Variants in MTA3 observed in about 807,000 individuals in gnomAD.
MTA3 encodes metastasis-associated protein MTA3.
A neutral mutation model predicts 83.5 loss-of-function variants in MTA3; 34 were observed. The observed-to-expected ratio is 0.41, with a 90% CI of 0.31 to 0.54. The LOEUF (loss-of-function observed/expected upper bound fraction) is 0.54, where lower values mean the gene tolerates loss of function less well. Ranked by LOEUF, MTA3 falls within the 20% of genes least tolerant of loss-of-function variation. The probability of loss-of-function intolerance (pLI) is 0.33; values close to 1 mark genes in which losing one functional copy is unlikely to be tolerated. For missense variants in MTA3, 761 were observed against 726.4 expected, an observed-to-expected ratio of 1.05 and a Z score of -0.55; for synonymous variants, 303 against 252.7, an observed-to-expected ratio of 1.20 and a Z score of -1.89.
At chr2:42,661,346 CA>C (rs1263903410) in intron 8 of MTA3, among the ~76,000 whole-genome samples, 4 of 151,454 alleles carry the variant, frequency 2.6e-5, no homozygotes, top group African/African-American at 9.7e-5. Flanking sequence ...CAAAAAAATA[CA>C]AAAATTAGCT....
intron 3 of MTA3, among the ~76,000 whole-genome samples, chr2:42,607,008 A>G (rs1269637361): frequency 7.0e-6 from 1 of 143,584 alleles, no homozygotes; most frequent in Non-Finnish European, 1.5e-5. Context: ...CAGTGAGCCG[A>G]GATGGCAGCA....
At chr2:42,682,377 T>C (rs1424700086) in intron 8 of MTA3, 24 bp from the exon 9 acceptor site, 33 of 1,532,246 alleles carry the variant, frequency 2.2e-5, no homozygotes, top group Non-Finnish European at 2.9e-5. Context: ...TGGTTGATAT[T>C]TTCTGTTCAT....
intron 4 of MTA3, among the ~76,000 whole-genome samples, chr2:42,632,762 C>A (rs974520492): frequency 6.6e-6 from 1 of 152,012 alleles, no homozygotes; most frequent in Non-Finnish European, 1.5e-5. Flanking sequence ...TTATTAAGCC[C>A]AAACTTCTCT....
At chr2:42,623,852 G>C (rs563323253) in intron 4 of MTA3, among the ~76,000 whole-genome samples, 1 of 152,008 alleles carries the variant, frequency 6.6e-6, no homozygotes, top group East Asian at 1.9e-4. Context: ...CACTACACCC[G>C]GCTAATTTTT....
At chr2:42,738,330 C>T (rs1468912997) in intron 16 of MTA3, among the ~76,000 whole-genome samples, 1 of 152,116 alleles carries the variant, frequency 6.6e-6, no homozygotes, top group African/African-American at 2.4e-5. Context: ...ATTTTATGGG[C>T]ATTTATTAGT....
chr2:42,513,784 G>A (rs1290675160), intron 2 of MTA3, among the ~76,000 whole-genome samples: 1 of 152,238 alleles, frequency 6.6e-6, no homozygotes, highest in Non-Finnish European at 1.5e-5. Context: ...GGACTGCCAC[G>A]CCTCCCAGGC....
At chr2:42,704,043 A>G (rs1665847395) in intron 11 of MTA3, 151 bp from the exon 12 acceptor site, 2 of 849,996 alleles carry the variant, frequency 2.4e-6, no homozygotes, top group Admixed American at 5.9e-5. Flanking sequence ...AGTTCATTTA[A>G]CACCTTGGTT....
intron 16 of MTA3, chr2:42,752,243 T>C: frequency 2.1e-6 from 1 of 471,486 alleles, no homozygotes; most frequent in Non-Finnish European, 4.4e-6. Context: ...GAAAAGCTCA[T>C]GAAGTGAAGA....
chr2:42,611,683 G>A (rs1224359703), intron 4 of MTA3, among the ~76,000 whole-genome samples: 2 of 152,130 alleles, frequency 1.3e-5, no homozygotes, highest in Admixed American at 1.3e-4. Flanking sequence ...GAGCGTGGTG[G>A]TGTGTGCCTG....
At chr2:42,639,503 C>T (rs879737646) in intron 4 of MTA3, among the ~76,000 whole-genome samples, 2 of 152,098 alleles carry the variant, frequency 1.3e-5, no homozygotes, top group Non-Finnish European at 2.9e-5. Context: ...TTCTCAGAGT[C>T]TAGACAAGCC....
chr2:42,644,155 A>G lies in MTA3; in HGVS notation c.410A>G (p.Asp137Gly). The G allele has an allele frequency of 6.2e-7, 1 of 1,611,798 alleles. No homozygotes were observed. Among genetic ancestry groups the G allele is most frequent in the Non-Finnish European group, 8.5e-7 (1 of 1,178,894 alleles). ...ACCTTCTTCTACTCATTGGTCTATG[A>G]CCCCTCATTGAAAACACTATTAGCT... is the stretch of plus-strand genomic sequence containing the variant. ...EDTFFYSLVY[D>G]PSLKTLLADK... The change falls in exon 6 of 17, where the codon GAC becomes GGC. Residue 137 changes from aspartate (D) to glycine (G), a missense_variant. Physicochemically the swap from Asp to Gly is moderately conservative, Grantham distance 94. Transcript: ENST00000405094.
chr2:42,712,520 A>G (rs933363063), intron 14 of MTA3, among the ~76,000 whole-genome samples: 5 of 152,142 alleles, frequency 3.3e-5, no homozygotes, highest in African/African-American at 1.2e-4. Context: ...AATTTCCCCA[A>G]ATACCTAAAT....
intron 2 of MTA3, among the ~76,000 whole-genome samples, chr2:42,508,971 C>T (rs1674774430): frequency 6.6e-6 from 1 of 150,924 alleles, no homozygotes; most frequent in African/African-American, 2.4e-5. Flanking sequence ...TCACTGTGAA[C>T]CTAAAACTGC....
Position 42,609,509 on chromosome 2 carries a change from A to G in MTA3, c.242A>G (p.Lys81Arg). The G allele has an allele frequency of 6.2e-7, 1 of 1,613,960 alleles. No homozygotes were observed. Among genetic ancestry groups the G allele is most frequent in the African/African-American group, 1.3e-5 (1 of 75,068 alleles). ...ETTVEADLTD[K>R]QKHQLKHREL... Reference sequence around the variant, plus strand: ...ACAGTTGAGGCTGACTTGACCGATAAGCAGAAACATCAGTTGAAACATAGG... The same window carrying G: ...ACAGTTGAGGCTGACTTGACCGATAGGCAGAAACATCAGTTGAAACATAGG... The change falls in exon 4 of 17, where the codon AAG (lysine) becomes AGG (arginine). Residue 81 changes from lysine (K) to arginine (R), a missense_variant. Transcript: ENST00000405094.
chr2:42,712,064 C>T (rs1232730468), intron 14 of MTA3, among the ~76,000 whole-genome samples: 2 of 152,050 alleles, frequency 1.3e-5, no homozygotes, highest in Non-Finnish European at 2.9e-5. Context: ...CCTCTGGCCA[C>T]GGCAGCACCA....
At chr2:42,599,365 C>T (rs1232004539) in intron 3 of MTA3, among the ~76,000 whole-genome samples, 2 of 151,992 alleles carry the variant, frequency 1.3e-5, no homozygotes, top group Admixed American at 6.6e-5. Context: ...GAGGCCGAGG[C>T]GGGTGGATCA....
At chr2:42,693,723 A>C (rs938964785) in intron 9 of MTA3, among the ~76,000 whole-genome samples, 8 of 152,212 alleles carry the variant, frequency 5.3e-5, no homozygotes, top group Non-Finnish European at 4.4e-5. Context: ...GGACCCCAAA[A>C]GCCTGCTTAT....
chr2:42,654,058 G>C (rs1251564894), intron 6 of MTA3, among the ~76,000 whole-genome samples: 2 of 152,208 alleles, frequency 1.3e-5, no homozygotes, highest in African/African-American at 4.8e-5. Flanking sequence ...GGCATGCTAA[G>C]AATTGTAAAC....
At chr2:42,606,182 G>T (rs1683355142) in intron 3 of MTA3, among the ~76,000 whole-genome samples, 1 of 68,662 alleles carries the variant, frequency 1.5e-5, no homozygotes, top group African/African-American at 8.2e-5. Context: ...CGGGGCGGCT[G>T]GCCGGGCGGG....
Sources: gnomAD v4.1 joint callset for allele counts (sites outside exome capture counted in the v4.1 genomes callset) on GRCh38, gnomAD v4.1.1 for gene constraint, MANE v1.5 for transcripts, NCBI Gene and HGNC (gene_info 2026-07-23, HGNC 2026-07-21) for gene names.